Variants in PDAP1 observed in about 807,000 individuals in gnomAD.
The protein encoded by PDAP1 is 28 kDa heat- and acid-stable phosphoprotein.
Under a neutral mutation model 28.0 loss-of-function variants are expected in PDAP1, and 13 were observed. The observed-to-expected ratio is 0.46, with a 90% confidence interval of 0.30 to 0.74. PDAP1 has a LOEUF of 0.74. Among genes scored for constraint, PDAP1 ranks in the 30% least tolerant of loss-of-function variants. PDAP1 has a pLI of 0.07. For missense variants in PDAP1, 150 were observed against 230.0 expected (o/e 0.65, Z 2.25); for synonymous variants, 77 against 85.1 (o/e 0.91, Z 0.52).
In PDAP1 at chr7:99,404,864, T is replaced by C; in HGVS notation, c.103A>G (p.Arg35Gly). Residue 35 changes from arginine (R) to glycine (G), a missense_variant and splice_region_variant, in exon 2 of 6, where the codon AGG becomes GGG. By Grantham distance (125) the Arg-to-Gly change is moderately radical. Transcript: ENST00000350498. Reference protein sequence around the residue: ...AQLQAEKQKAREEEEQKEGGD... With the variant: ...AQLQAEKQKAGEEEEQKEGGD... ...GGCCTGGACAGGCACGTACTCACCC[T>C]GGCCTTCTGCTTCTCAGCCTGCAGC... 4 of 1,611,682 alleles carry C rather than the reference T, an allele frequency of 2.5e-6. No homozygotes were observed. Among genetic ancestry groups the C allele is most frequent in the Non-Finnish European group, 3.4e-6 (4 of 1,179,284 alleles).
intron 1 of PDAP1, among the ~76,000 whole-genome samples, chr7:99,405,176 C>T (rs1794950538): frequency 6.6e-6 from 1 of 152,172 alleles, no homozygotes; most frequent in Non-Finnish European, 1.5e-5. Flanking sequence ...AATGCTGGCT[C>T]CTACACAGAA....
At position 99,395,613 on chromosome 7, in the gene PDAP1, T is replaced by G. The variant is rs141293967; in HGVS notation, c.*1069A>C. On this transcript the variant is annotated 3_prime_UTR_variant, in exon 6 of 6. Coordinates refer to ENST00000350498, the MANE Select transcript of PDAP1 (RefSeq NM_014891.7). ...TTTTGTGGCTTCTCTCAGGAAAATG[T>G]GGGCCTTGGCGACATCCAATGCTAG... The G allele has an allele frequency of 4.6e-5, 7 of 152,428 alleles. No individual in the cohort carries two copies. The highest frequency in any genetic ancestry group is 1.7e-4 in the African/African-American group (7 of 41,596). The allele number at this position is 152,428 out of a possible 1,614,324, so 9.4% of individuals were successfully genotyped here.
intron 3 of PDAP1, among the ~76,000 whole-genome samples, chr7:99,401,811 C>T (rs1357830706): frequency 6.6e-6 from 1 of 151,624 alleles, no homozygotes; most frequent in Admixed American, 6.6e-5. Flanking sequence ...ATTCTCCTGC[C>T]TCAGCCTCCC....
intron 1 of PDAP1, 141 bp downstream of exon 1, chr7:99,408,395 G>A: frequency 1.5e-6 from 1 of 688,740 alleles, no homozygotes; most frequent in Non-Finnish European, 2.1e-6. Context: ...ATTGGGCGTC[G>A]AGGCCCAGGC....
rs773085531 is a variant in PDAP1, at chr7:99,394,779, T to TA, written c.*1902dup. On this transcript the variant is annotated 3_prime_UTR_variant, in exon 6 of 6. Transcript: ENST00000350498. ...GTGGAGGTAATAAAATGCAACTGTG[T>TA]AAAAAAAAAAAAAAAAAAAAAAGTA... 0.13 allele frequency: 119,260 copies of TA among 935,044 alleles called. 1,494 individuals carry two copies. Among genetic ancestry groups the TA allele is most frequent in the South Asian group, 0.22 (4,096 of 18,284 alleles). The allele number at this position is 935,044 out of a possible 1,614,324, so 57.9% of individuals were successfully genotyped here. A position where few individuals can be genotyped will look rare whatever the true frequency, so the allele number is the denominator to read the frequency against.
chr7:99,406,732 AG>A, intron 1 of PDAP1: 1 of 453,312 alleles, frequency 2.2e-6, no homozygotes, highest in Non-Finnish European at 2.9e-6. Flanking sequence ...TGTCTCTGTG[AG>A]CAGAGACTCT....
In PDAP1 at chr7:99,396,344, C is replaced by G. The variant is rs958907994; in HGVS notation, c.*338G>C. The G allele has an allele frequency of 2.6e-6, 1 of 382,974 alleles. No individual in the cohort carries two copies. Among genetic ancestry groups the G allele is most frequent in the Non-Finnish European group, 4.9e-6 (1 of 202,178 alleles). 23.7% of individuals were successfully genotyped at this position (382,974 alleles called of 1,614,324 possible). ...GGACAACCACCCCCTTACATGCTAT[C>G]TATCTACCAGACAAATGAAAGCTCT... On this transcript the variant is annotated 3_prime_UTR_variant, in exon 6 of 6. Coordinates refer to ENST00000350498, the MANE Select transcript of PDAP1 (RefSeq NM_014891.7).
chr7:99,398,212 G>A (rs758091347), intron 4 of PDAP1, among the ~76,000 whole-genome samples, 199 bp from the exon 5 acceptor site: 1 of 152,266 alleles, frequency 6.6e-6, no homozygotes, highest in Non-Finnish European at 1.5e-5. Flanking sequence ...GGCCCAGGGA[G>A]AAAACATCTG....
chr7:99,394,760 G>A lies in PDAP1; in HGVS notation c.*1922C>T, dbSNP rs1449759015. ...TCATGAACTGCTTCAAAATGTGGAG[G>A]TAATAAAATGCAACTGTGTAAAAAA... On this transcript the variant is annotated 3_prime_UTR_variant, in exon 6 of 6. Coordinates refer to ENST00000350498, the MANE Select transcript of PDAP1 (RefSeq NM_014891.7). 12 of 1,194,566 alleles carry A rather than the reference G, an allele frequency of 1.0e-5. No homozygotes were observed. The Admixed American group carries it at 4.3e-4, about 42-fold the overall frequency. 74.0% of individuals were successfully genotyped at this position (1,194,566 alleles called of 1,614,324 possible).
chr7:99,400,653 G>C (rs1195845470), intron 3 of PDAP1, among the ~76,000 whole-genome samples: 1 of 152,164 alleles, frequency 6.6e-6, no homozygotes, highest in Non-Finnish European at 1.5e-5. Flanking sequence ...ACTTGCCCAA[G>C]TCAACCAGGA....
chr7:99,397,950 T>C lies in PDAP1; in HGVS notation c.399A>G (p.Thr133=), dbSNP rs1263865013. 2 of 1,614,258 alleles carry C rather than the reference T, an allele frequency of 1.2e-6. No individual in the cohort carries two copies. The highest frequency in any genetic ancestry group is 8.5e-7 in the Non-Finnish European group (1 of 1,180,040). ...GGGCCAGGTCAGCCTTGGCTTGCTC[T>C]GTCTTCCCGGCCAAGTGCATTTTCA... ...RYMKMHLAGK[T]EQAKADLARL... Residue 133 remains threonine (T), a synonymous_variant, in exon 5 of 6, where the codon ACA becomes ACG. Coordinates refer to ENST00000350498, the MANE Select transcript of PDAP1 (RefSeq NM_014891.7).
chr7:99,405,028 C>A, intron 1 of PDAP1, 75 bp from the exon 2 acceptor site: 1 of 1,094,512 alleles, frequency 9.1e-7, no homozygotes. Context: ...CTGTGTCCTG[C>A]TTGGAGTACT....
At chr7:99,398,501 G>C (rs1008663813) in intron 4 of PDAP1, among the ~76,000 whole-genome samples, 6 of 152,222 alleles carry the variant, frequency 3.9e-5, no homozygotes, top group South Asian at 4.1e-4. Flanking sequence ...AGACCTGCCT[G>C]GGCAATATAG....
chr7:99,401,516 G>T (rs1228228996), intron 3 of PDAP1, among the ~76,000 whole-genome samples: 1 of 151,914 alleles, frequency 6.6e-6, no homozygotes, highest in Non-Finnish European at 1.5e-5. Flanking sequence ...GTAGAGACAG[G>T]TTTTCTCCAT....
In PDAP1 at chr7:99,396,672, C is replaced by T. The variant is rs186460881; in HGVS notation, c.*10G>A. ...CCCAGGTCCCCGGCATCTCCTCCCA[C>T]GGGTCGCAGTTACTTATTCAGGGAG... On this transcript the variant is annotated 3_prime_UTR_variant, in exon 6 of 6. Coordinates refer to ENST00000350498, the MANE Select transcript of PDAP1 (RefSeq NM_014891.7). 2.8e-4 allele frequency: 447 copies of T among 1,610,128 alleles called. 2 individuals are homozygous for T. Among genetic ancestry groups the T allele is most frequent in the African/African-American group, 2.6e-3 (193 of 74,914 alleles).
chr7:99,397,753 ACTC>A, intron 5 of PDAP1, 106 bp downstream of exon 5: 1 of 1,353,884 alleles, frequency 7.4e-7, no homozygotes, highest in East Asian at 2.4e-5. Flanking sequence ...GGCAGCAGTC[ACTC>A]CTCACCTCAT....
chr7:99,402,023 C>T (rs1200016608), intron 3 of PDAP1, among the ~76,000 whole-genome samples: 1 of 151,724 alleles, frequency 6.6e-6, no homozygotes, highest in Non-Finnish European at 1.5e-5. Flanking sequence ...TAATCCCAGC[C>T]CTTTGAGAGG....
rs1794712587 is a variant in PDAP1, at chr7:99,394,778, G to GT, written c.*1903dup. The GT allele has an allele frequency of 1.4e-5, 11 of 789,678 alleles. No homozygotes were observed. Among genetic ancestry groups the GT allele is most frequent in the South Asian group, 1.4e-4 (2 of 14,618 alleles). The allele number at this position is 789,678 out of a possible 1,614,324, so 48.9% of individuals were successfully genotyped here. On this transcript the variant is annotated 3_prime_UTR_variant, in exon 6 of 6. Transcript: ENST00000350498. ...TGTGGAGGTAATAAAATGCAACTGTGTAAAAAAAAAAAAAAAAAAAAAAGT... is the reference window on the plus strand; with the variant it reads ...TGTGGAGGTAATAAAATGCAACTGTGTTAAAAAAAAAAAAAAAAAAAAAAGT...
At chr7:99,401,056 A>G (rs893270907) in intron 3 of PDAP1, among the ~76,000 whole-genome samples, 4 of 152,192 alleles carry the variant, frequency 2.6e-5, no homozygotes, top group East Asian at 1.9e-4. Flanking sequence ...AATTCCATCA[A>G]TTCTCCTTAA....
Sources: allele counts gnomAD v4.1 joint callset (sites outside exome capture counted in the v4.1 genomes callset), GRCh38; gene constraint gnomAD v4.1.1; transcripts MANE v1.5; gene names NCBI Gene and HGNC (gene_info 2026-07-23, HGNC 2026-07-21).